PIK3R2: variants seen among roughly 807,000 people sequenced by gnomAD.
The protein encoded by PIK3R2 is phosphatidylinositol 3-kinase regulatory subunit beta.
A neutral mutation model predicts 78.5 loss-of-function variants in PIK3R2; 40 were observed. That is an observed-to-expected ratio of 0.51 (90% CI 0.40 to 0.66). The LOEUF (loss-of-function observed/expected upper bound fraction) is 0.66, where lower values mean the gene tolerates loss of function less well. Among genes scored for constraint, PIK3R2 ranks in the 30% least tolerant of loss-of-function variants. PIK3R2 has a pLI of 0.00. For synonymous variants in PIK3R2, 473 were observed against 457.7 expected, an observed-to-expected ratio of 1.03 and a Z score of -0.43; for missense variants, 880 against 1,026.6, an observed-to-expected ratio of 0.86 and a Z score of 1.95.
chr19:18,162,430 C>T lies in PIK3R2; in HGVS notation c.1033C>T (p.Arg345Trp). ...CAGGGAGGAGGTGAACGAGAAACTC[C>T]GGGACACTCCCGATGGCACCTTCCT... ...ISREEVNEKLRDTPDGTFLVR... is the reference protein window; with the variant it reads ...ISREEVNEKLWDTPDGTFLVR... Residue 345 changes from arginine (R) to tryptophan (W), a missense_variant, in exon 9 of 16, where the codon CGG becomes TGG. Transcript: ENST00000222254. The T allele has an allele frequency of 1.9e-6, 3 of 1,613,450 alleles. No individual in the cohort carries two copies. Among genetic ancestry groups the T allele is most frequent in the Non-Finnish European group, 2.5e-6 (3 of 1,179,942 alleles).
In PIK3R2 at chr19:18,169,577, T is replaced by A. The variant is rs990241645; in HGVS notation, c.*283T>A. On this transcript the variant is annotated 3_prime_UTR_variant, in exon 16 of 16. Transcript: ENST00000222254. ...TCTACGTGTCCTCCGGGCATTGCCC[T>A]CTCCATGGCTCTGGTCACCCTGACC... 3.4e-6 allele frequency: 1 copy of A among 296,250 alleles called. No homozygotes were observed. Among genetic ancestry groups the A allele is most frequent in the Non-Finnish European group, 6.3e-6 (1 of 158,734 alleles). 18.4% of individuals were successfully genotyped at this position (296,250 alleles called of 1,614,324 possible). A position where few individuals can be genotyped will look rare whatever the true frequency, so the allele number is the denominator to read the frequency against.
Position 18,165,362 on chromosome 19 carries a change from C to CAAAA in PIK3R2, c.1417-779_1417-776dup, listed in dbSNP as rs33933785. ...CCTGGGACAGAGTGAGACTCCGTCT[C>CAAAA]AAAAAAAAAAAAAAAAAAAAAATTA... is the stretch of plus-strand genomic sequence containing the variant. On this transcript the variant is annotated intron_variant, in intron 11 of 15. Coordinates refer to ENST00000222254, the MANE Select transcript of PIK3R2 (RefSeq NM_005027.4). Among the ~76,000 whole-genome samples the CAAAA allele has an allele frequency of 6.2e-3, 496 of 80,444 alleles. 15 individuals carry two copies. The highest frequency in any genetic ancestry group is 8.9e-3 in the Non-Finnish European group (390 of 43,728). 52.8% of individuals were successfully genotyped at this position (80,444 alleles called of 152,430 possible). A position where few individuals can be genotyped will look rare whatever the true frequency, so the allele number is the denominator to read the frequency against.
At chr19:18,154,129 T>TATC (rs2043652180) in intron 1 of PIK3R2, among the ~76,000 whole-genome samples, 1 of 152,102 alleles carries the variant, frequency 6.6e-6, no homozygotes, top group Non-Finnish European at 1.5e-5. Context: ...TCCGTCTGCC[T>TATC]GTCGCGCCTT....
chr19:18,159,734 C>T lies in PIK3R2; in HGVS notation c.323-737C>T, dbSNP rs1051233687. 8.6e-5 allele frequency among the ~76,000 whole-genome samples: 13 copies of T among 151,830 alleles called. No individual in the cohort carries two copies. The East Asian group carries it at 9.7e-4, about 11-fold the overall frequency. On this transcript the variant is annotated intron_variant, in intron 2 of 15. Transcript: ENST00000222254. ...TACTAGGATTACAGGCATGAGCCAC[C>T]GCACCCGGCCTGTTGACTTATTTTT... is the stretch of plus-strand genomic sequence containing the variant.
intron 12 of PIK3R2, 23 bp downstream of exon 12, chr19:18,166,325 G>T (rs1344484834): frequency 6.2e-7 from 1 of 1,603,422 alleles, no homozygotes; most frequent in South Asian, 1.1e-5. Flanking sequence ...CCTCTGCCCT[G>T]CCCCACCCCA....
intron 9 of PIK3R2, 29 bp downstream of exon 9, chr19:18,162,535 G>A (rs565744122): frequency 2.8e-5 from 44 of 1,574,808 alleles, no homozygotes; most frequent in Admixed American, 2.7e-4. Context: ...AAGGATAACC[G>A]GGGGTCACAG....
In PIK3R2 at chr19:18,159,845, G is replaced by A. The variant is rs987875783; in HGVS notation, c.323-626G>A. ...CAACCTCCGCCTCCCGGGTTCAAGC[G>A]ATTCTCCTGCCTCAACCTCCCGAGT... On this transcript the variant is annotated intron_variant, in intron 2 of 15. Transcript: ENST00000222254. Among the ~76,000 whole-genome samples, 6 of 152,098 alleles carry A rather than the reference G, an allele frequency of 3.9e-5. No homozygotes were observed. In the East Asian group the frequency reaches 5.8e-4, roughly 15 times the overall value.
chr19:18,166,225 G>T lies in PIK3R2; in HGVS notation c.1482G>T (p.Gln494His), dbSNP rs771075635. Residue 494 changes from glutamine to histidine, a missense_variant, in exon 12 of 16, where the codon CAG becomes CAT. By Grantham distance (24) the Gln-to-His change is conservative. Around this residue, in one of 3 missense-constraint regions of PIK3R2, gnomAD observed 156 missense variants for 241.0 expected, o/e 0.65. Transcript: ENST00000222254. ...FNETIKIFEE[Q>H]GQTQEKCSKE... Reference sequence around the variant, plus strand: ...AGACTATCAAGATCTTTGAAGAGCAGGGCCAGACTCAAGAGAAATGCAGCA... The same window carrying T: ...AGACTATCAAGATCTTTGAAGAGCATGGCCAGACTCAAGAGAAATGCAGCA... The T allele has an allele frequency of 1.9e-6, 3 of 1,613,986 alleles. No homozygotes were observed. Among genetic ancestry groups the T allele is most frequent in the South Asian group, 2.2e-5 (2 of 91,092 alleles).
chr19:18,164,168 C>G (rs780876259), intron 11 of PIK3R2, among the ~76,000 whole-genome samples: 4 of 152,020 alleles, frequency 2.6e-5, no homozygotes, highest in African/African-American at 7.2e-5. Flanking sequence ...AGTGTACAAG[C>G]TTTTACAAAA....
Position 18,160,454 on chromosome 19 carries a change from C to T in PIK3R2, c.323-17C>T, listed in dbSNP as rs577981313. The T allele has an allele frequency of 1.3e-6, 2 of 1,508,974 alleles. No individual in the cohort carries two copies. The highest frequency in any genetic ancestry group is 2.7e-5 in the African/African-American group (2 of 73,286). 93.5% of individuals were successfully genotyped at this position (1,508,974 alleles called of 1,614,324 possible). A position where few individuals can be genotyped will look rare whatever the true frequency, so the allele number is the denominator to read the frequency against. ...AGGAACCCCACCAACATGCAACCCC[C>T]CTGTTTCCCCCACCAGGCCTCACAC... On this transcript the variant is annotated splice_polypyrimidine_tract_variant and intron_variant, in intron 2 of 15. Transcript: ENST00000222254.
In PIK3R2 at chr19:18,168,684, G is replaced by A. The variant is rs777001078; in HGVS notation, c.1809-42G>A. 2.0e-6 allele frequency: 3 copies of A among 1,538,362 alleles called. No individual in the cohort carries two copies. Among genetic ancestry groups the A allele is most frequent in the South Asian group, 1.1e-5 (1 of 89,348 alleles). ...GCTGGGGAGCCTCGGAGGCTGGCAG[G>A]TGAGTGACCAGGGCCCTCCCCGCCA... On this transcript the variant is annotated intron_variant, in intron 14 of 15. Transcript: ENST00000222254. The surrounding 1 kb of genome is among the most constrained non-coding windows in gnomAD (Gnocchi z 4.1).
Position 18,166,179 on chromosome 19 carries a change from C to T in PIK3R2, c.1436C>T (p.Thr479Ile). The change falls in exon 12 of 16, where the codon ACT (threonine) becomes ATT (isoleucine). Residue 479 changes from threonine to isoleucine, a missense_variant. This residue lies in a region of PIK3R2 where 156 missense variants were observed against 241.0 expected (regional missense o/e 0.65). Coordinates refer to ENST00000222254, the MANE Select transcript of PIK3R2 (RefSeq NM_005027.4). ...CTCCAGGAGCTGCAGATGAAGCGTA[C>T]TGCAATTGAGGCCTTCAATGAGACT... ...RTSQELQMKR[T>I]AIEAFNETIK... 1.9e-6 allele frequency: 3 copies of T among 1,613,948 alleles called. No individual in the cohort carries two copies. Among genetic ancestry groups the T allele is most frequent in the Non-Finnish European group, 2.5e-6 (3 of 1,179,876 alleles).
At chr19:18,164,477 T>A (rs1291886740) in intron 11 of PIK3R2, among the ~76,000 whole-genome samples, 1 of 152,070 alleles carries the variant, frequency 6.6e-6, no homozygotes, top group African/African-American at 2.4e-5. Flanking sequence ...CTTTGTCTCT[T>A]AAAAAAATAA....
rs747994737 is a variant in PIK3R2 at position 18,167,145 on chromosome 19, C to T, written c.1575C>T (p.Ser525=). The change falls in exon 13 of 16, where the codon TCC becomes TCT. Residue 525 remains serine, a synonymous_variant. Coordinates refer to ENST00000222254, the MANE Select transcript of PIK3R2 (RefSeq NM_005027.4). This position sits in a 1 kb window ranked among gnomAD's most constrained non-coding sequence, Gnocchi z 4.5. The stretch of plus-strand genomic sequence containing the variant: ...CCTCCCACAGGATCCTGCTGAACTC[C>T]GAGCGGCTCAAGTCCCGCATTGCCG... ...EKEMQRILLN[S]ERLKSRIAEI... The T allele has an allele frequency of 7.5e-5, 119 of 1,591,654 alleles. No individual in the cohort carries two copies. Among genetic ancestry groups the T allele is most frequent in the Admixed American group, 8.8e-5 (5 of 56,914 alleles).
chr19:18,156,326 A>C lies in PIK3R2; in HGVS notation c.322+125A>C, dbSNP rs2043679840. On this transcript the variant is annotated intron_variant, in intron 2 of 15. Coordinates refer to ENST00000222254, the MANE Select transcript of PIK3R2 (RefSeq NM_005027.4). This position sits in a 1 kb window ranked among gnomAD's most constrained non-coding sequence, Gnocchi z 4.2. ...AAAAAGGACATTTGGTCATTTGACA[A>C]GTGTCTTCAGTGCTAGGCTCAGCAG... is the stretch of plus-strand genomic sequence containing the variant. The C allele has an allele frequency of 2.8e-6, 2 of 725,336 alleles. No homozygotes were observed. The highest frequency in any genetic ancestry group is 4.5e-5 in the South Asian group (2 of 44,630). The allele number at this position is 725,336 out of a possible 1,614,324, so 44.9% of individuals were successfully genotyped here. A position where few individuals can be genotyped will look rare whatever the true frequency, so the allele number is the denominator to read the frequency against.
In PIK3R2 at chr19:18,167,089, TA is replaced by T; in HGVS notation, c.1560-37del. 3 of 1,487,614 alleles carry T rather than the reference TA, an allele frequency of 2.0e-6. No individual in the cohort carries two copies. Among genetic ancestry groups the T allele is most frequent in the Non-Finnish European group, 2.7e-6 (3 of 1,115,142 alleles). 92.2% of individuals were successfully genotyped at this position (1,487,614 alleles called of 1,614,324 possible). On this transcript the variant is annotated intron_variant, in intron 12 of 15. Transcript: ENST00000222254. The surrounding 1 kb of genome is among the most constrained non-coding windows in gnomAD (Gnocchi z 4.5). Reference sequence around the variant, plus strand: ...AGTTTGAGGGTGCAGTGAGCCGAGATAAAACCCTGAGGTCTCTGCGCCACCC... The same window carrying T: ...AGTTTGAGGGTGCAGTGAGCCGAGATAAACCCTGAGGTCTCTGCGCCACCC...
chr19:18,168,712 G>GC lies in PIK3R2; in HGVS notation c.1809-8dup, dbSNP rs566994275. 530 of 905,476 alleles carry GC rather than the reference G, an allele frequency of 5.9e-4. 4 individuals carry two copies. Among genetic ancestry groups the GC allele is most frequent in the South Asian group, 3.5e-3 (274 of 77,774 alleles). The allele number at this position is 905,476 out of a possible 1,614,324, so 56.1% of individuals were successfully genotyped here. A position where few individuals can be genotyped will look rare whatever the true frequency, so the allele number is the denominator to read the frequency against. On this transcript the variant is annotated splice_polypyrimidine_tract_variant and intron_variant, in intron 14 of 15. Coordinates refer to ENST00000222254, the MANE Select transcript of PIK3R2 (RefSeq NM_005027.4). The surrounding 1 kb of genome is among the most constrained non-coding windows in gnomAD (Gnocchi z 4.1). Reference sequence around the variant, plus strand: ...AGTGACCAGGGCCCTCCCCGCCACCGCCCCCCACCCCAGCCAGTACGCACT... The same window carrying GC: ...AGTGACCAGGGCCCTCCCCGCCACCGCCCCCCCACCCCAGCCAGTACGCACT...
At chr19:18,160,423 C>T (rs2043728669) in intron 2 of PIK3R2, 48 bp from the exon 3 acceptor site, 1 of 1,141,330 alleles carries the variant, frequency 8.8e-7, no homozygotes. Flanking sequence ...GGGCTGGGCT[C>T]CTTCCAGGAA....
chr19:18,161,186 G>C lies in PIK3R2; in HGVS notation c.598+1G>C, dbSNP rs1269675188. 6.5e-7 allele frequency: 1 copy of C among 1,545,536 alleles called. No individual in the cohort carries two copies. The highest frequency in any genetic ancestry group is 2.4e-5 in the East Asian group (1 of 40,888). ...GCCGAGGCGCGCCGGGCCCTGCGGG[G>C]TGAGCCTGGCGGGTAGCCCGGGGGA... On this transcript the variant is annotated splice_donor_variant, in intron 5 of 15. Coordinates refer to ENST00000222254, the MANE Select transcript of PIK3R2 (RefSeq NM_005027.4). LOFTEE classifies it high-confidence loss of function. The surrounding 1 kb of genome is among the most constrained non-coding windows in gnomAD (Gnocchi z 5.3).
Sources: allele counts gnomAD v4.1 joint callset (sites outside exome capture counted in the v4.1 genomes callset), GRCh38; gene constraint gnomAD v4.1.1; regional missense constraint gnomAD v4.1.1; non-coding constraint Gnocchi (gnomAD v3.1); transcripts MANE v1.5; gene names NCBI Gene and HGNC (gene_info 2026-07-23, HGNC 2026-07-21).